ZFYVE26: variants seen among roughly 807,000 people sequenced by gnomAD.
ZFYVE26 encodes the protein zinc finger FYVE-type containing 26.
A neutral mutation model predicts 276.5 loss-of-function variants in ZFYVE26; 181 were observed. The ratio of observed to expected loss-of-function variants is 0.65; its 90% CI spans 0.58 to 0.74. The LOEUF is 0.74. Among genes scored for constraint, ZFYVE26 ranks in the 30% least tolerant of loss-of-function variants. The probability of loss-of-function intolerance (pLI) is 0.00; values close to 1 mark genes in which losing one functional copy is unlikely to be tolerated. For missense variants in ZFYVE26, 2,821 were observed against 3,097.9 expected, an observed-to-expected ratio of 0.91 and a Z score of 2.12; for synonymous variants, 1,129 against 1,203.1, an observed-to-expected ratio of 0.94 and a Z score of 1.27.
intron 16 of ZFYVE26, among the ~76,000 whole-genome samples, chr14:67,788,986 T>C (rs575365163): frequency 5.3e-5 from 8 of 152,212 alleles, no homozygotes; most frequent in Non-Finnish European, 1.0e-4. Context: ...AGTTTTCCCT[T>C]ACACCTGGCT....
At chr14:67,808,443 T>C (rs534917834) in intron 4 of ZFYVE26, among the ~76,000 whole-genome samples, 1 of 152,316 alleles carries the variant, frequency 6.6e-6, no homozygotes, top group South Asian at 2.1e-4. Context: ...TCAATGTACT[T>C]AAAATTAGTA....
intron 13 of ZFYVE26, among the ~76,000 whole-genome samples, chr14:67,737,993 T>C (rs1280185568): frequency 1.3e-5 from 2 of 152,212 alleles, no homozygotes; most frequent in East Asian, 3.8e-4. Context: ...AGTCAAGATA[T>C]TTAACCTGAC....
At chr14:67,785,314 C>T in intron 18 of ZFYVE26, 37 bp from the exon 19 acceptor site, 1 of 1,539,118 alleles carries the variant, frequency 6.5e-7, no homozygotes, top group South Asian at 1.2e-5. Flanking sequence ...ACACAGGCTT[C>T]AGTCTGTGAG....
Position 67,807,657 on chromosome 14 carries a change from C to CG in ZFYVE26, c.626dup (p.Val210GlyfsTer26). 1 of 1,614,152 alleles carries CG rather than the reference C, an allele frequency of 6.2e-7. No homozygotes were observed. Among genetic ancestry groups the CG allele is most frequent in the Non-Finnish European group, 8.5e-7 (1 of 1,180,040 alleles). ...TGGCATCGACTACCCCAGGGGGCAC[C>CG]GAATCAGGGCCCTGCAAAGCCCGCA... On this transcript the variant is annotated frameshift_variant, in exon 5 of 42. Transcript: ENST00000347230. LOFTEE classifies it high-confidence loss of function.
chr14:67,806,781 T>G, intron 5 of ZFYVE26, 106 bp from the exon 6 acceptor site: 2 of 1,375,956 alleles, frequency 1.5e-6, no homozygotes, highest in Non-Finnish European at 2.0e-6. Context: ...TTTTAAAAAC[T>G]TAGGCTGGGT....
Position 67,729,441 on chromosome 14 carries a change from T to C in ZFYVE26, n.3058A>G. On this transcript the variant is annotated non_coding_transcript_exon_variant, in exon 14 of 15. Transcript: ENST00000394455. ...TGTGCATGGGAGGTGCCGGACTCGC[T>C]GGGCTGTTCATCCTGAGAAGCTGAG... The C allele has an allele frequency of 4.6e-6, 7 of 1,524,022 alleles. No individual in the cohort carries two copies. In the South Asian group the frequency reaches 5.6e-5, roughly 12 times the overall value. 94.4% of individuals were successfully genotyped at this position (1,524,022 alleles called of 1,614,324 possible).
In ZFYVE26 at chr14:67,767,716, A is replaced by C. The variant is rs1263896785; in HGVS notation, c.5778T>G (p.Phe1926Leu). The C allele has an allele frequency of 6.2e-7, 1 of 1,614,136 alleles. No individual in the cohort carries two copies. Among genetic ancestry groups the C allele is most frequent in the Admixed American group, 1.7e-5 (1 of 60,020 alleles). The change falls in exon 31 of 42, where the codon TTT becomes TTG. Residue 1926 changes from phenylalanine (F) to leucine (L), a missense_variant. Transcript: ENST00000347230. Reference sequence around the variant, plus strand: ...TTATTGCTATTACCTGCTCATAGTAAAATTCACTCCGCACCAGCTCATTTT... The same window carrying C: ...TTATTGCTATTACCTGCTCATAGTACAATTCACTCCGCACCAGCTCATTTT... ...EEENELVRSE[F>L]YYEQAPSASL...
chr14:67,781,209 A>T, intron 22 of ZFYVE26, 124 bp downstream of exon 22: 1 of 1,149,890 alleles, frequency 8.7e-7, no homozygotes, highest in Non-Finnish European at 1.3e-6. Flanking sequence ...AACTGAAGCC[A>T]GATGCAAAGC....
Position 67,814,046 on chromosome 14 carries a change from G to T in ZFYVE26, c.213C>A (p.Asn71Lys). The T allele has an allele frequency of 1.2e-6, 2 of 1,613,798 alleles. No homozygotes were observed. Among genetic ancestry groups the T allele is most frequent in the Non-Finnish European group, 8.5e-7 (1 of 1,179,772 alleles). The change falls in exon 3 of 42, where the codon AAC (asparagine) becomes AAA (lysine). Residue 71 changes from asparagine to lysine, a missense_variant. By Grantham distance (94) the Asn-to-Lys change is moderately conservative. Coordinates refer to ENST00000347230, the MANE Select transcript of ZFYVE26 (RefSeq NM_015346.4). The stretch of plus-strand genomic sequence containing the variant: ...GCCAGACCCAGGCTACTCTTTGAGG[G>T]TTGATGTCCTGCCCACATCTGAAAA... ...PNLLRCGQDI[N>K]PQRVAWVWLL...
chr14:67,731,207 C>CTTTTT (rs71129853), intron 13 of ZFYVE26, among the ~76,000 whole-genome samples: 11 of 90,616 alleles, frequency 1.2e-4, no homozygotes, highest in African/African-American at 3.9e-4. Flanking sequence ...TTCTTTCTTT[C>CTTTTT]TTTTTTTTTT....
rs375074648 is a variant in ZFYVE26, at chr14:67,802,331, G to T, written c.1436-49C>A. On this transcript the variant is annotated intron_variant, in intron 9 of 41. Transcript: ENST00000347230. ...TGAACTTGAGAGTTAATTAATTCAGGATGCAAGTATGGGTGAAGCAAAGAG... is the reference window on the plus strand; with the variant it reads ...TGAACTTGAGAGTTAATTAATTCAGTATGCAAGTATGGGTGAAGCAAAGAG... 27 of 1,589,350 alleles carry T rather than the reference G, an allele frequency of 1.7e-5. 1 individual carries two copies. In the African/African-American group the frequency reaches 3.2e-4, roughly 19 times the overall value.
chr14:67,804,165 G>A lies in ZFYVE26; in HGVS notation c.1371C>T (p.Leu457=). The A allele has an allele frequency of 6.2e-7, 1 of 1,614,222 alleles. No homozygotes were observed. The highest frequency in any genetic ancestry group is 8.5e-7 in the Non-Finnish European group (1 of 1,180,040). Residue 457 remains leucine (L), a synonymous_variant, in exon 9 of 42, where the codon CTC becomes CTT. Transcript: ENST00000347230. ...AGAGCTTGAGAACATCTTCCTCCCTGAGGGCTGGAAGGTTTGTAAGGTGAT... is the reference window on the plus strand; with the variant it reads ...AGAGCTTGAGAACATCTTCCTCCCTAAGGGCTGGAAGGTTTGTAAGGTGAT... The part of the protein sequence containing the change: ...TLHHLTNLPA[L]REEDVLKLLQ...
chr14:67,789,503 T>A lies in ZFYVE26; in HGVS notation c.2851A>T (p.Thr951Ser). The change falls in exon 16 of 42, where the codon ACG (threonine) becomes TCG (serine). Residue 951 changes from threonine to serine, a missense_variant. By Grantham distance (58) the Thr-to-Ser change is moderately conservative (BLOSUM62 1). Coordinates refer to ENST00000347230, the MANE Select transcript of ZFYVE26 (RefSeq NM_015346.4). ...GGAGCAGTGGGCTCCACTAGAGCCG[T>A]GCTTATCCAAAAGTCCTCCTGGAGC... ...PMLQEDFWIS[T>S]ALVEPTAPLR... 3.1e-6 allele frequency: 5 copies of A among 1,614,170 alleles called. No individual in the cohort carries two copies. The highest frequency in any genetic ancestry group is 4.2e-6 in the Non-Finnish European group (5 of 1,180,036).
At chr14:67,801,662 G>T (rs1424134915) in intron 10 of ZFYVE26, among the ~76,000 whole-genome samples, 2 of 152,132 alleles carry the variant, frequency 1.3e-5, no homozygotes, top group African/African-American at 4.8e-5. Flanking sequence ...CATTTAAAAA[G>T]ATGAAATAGG....
At chr14:67,774,955 G>T in intron 27 of ZFYVE26, 61 bp downstream of exon 27, 2 of 1,159,426 alleles carry the variant, frequency 1.7e-6, no homozygotes, top group Non-Finnish European at 2.5e-6. Context: ...AAATTCTGAA[G>T]GATAGAATAA....
At chr14:67,746,479 G>C (rs2038490897), downstream of ZFYVE26, 1 of 152,184 alleles carries the variant, frequency 6.6e-6, no homozygotes, top group Non-Finnish European at 1.5e-5. Flanking sequence ...AGGATGCAAA[G>C]GGTAGGAGCA....
chr14:67,764,919 C>G (rs2039019186), intron 32 of ZFYVE26, among the ~76,000 whole-genome samples: 3 of 152,162 alleles, frequency 2.0e-5, no homozygotes, highest in African/African-American at 7.2e-5. Context: ...GTTTTCTCCC[C>G]AATCTAAATA....
At chr14:67,750,910 G>T in intron 41 of ZFYVE26, 142 bp downstream of exon 41, 1 of 1,073,118 alleles carries the variant, frequency 9.3e-7, no homozygotes, top group Non-Finnish European at 1.4e-6. Flanking sequence ...CCCTATCCAA[G>T]CCTCAGCTCC....
Position 67,807,459 on chromosome 14 carries a change from A to G in ZFYVE26, c.825T>C (p.Tyr275=), listed in dbSNP as rs2040204823. 5.0e-6 allele frequency: 8 copies of G among 1,614,014 alleles called. No individual in the cohort carries two copies. Among genetic ancestry groups the G allele is most frequent in the Non-Finnish European group, 6.8e-6 (8 of 1,179,990 alleles). The change falls in exon 5 of 42, where the codon TAT becomes TAC. Residue 275 remains tyrosine (Y), a synonymous_variant. Transcript: ENST00000347230. ...TGACCTTCTCTGCATAGGTATGGCC[A>G]TACAGGGACAGCAGGCCCCGGCTGG... is the stretch of plus-strand genomic sequence containing the variant. ...HKASRGLLSL[Y]GHTYAEKVTE...
Sources: gnomAD v4.1 joint callset for allele counts (sites outside exome capture counted in the v4.1 genomes callset) on GRCh38, gnomAD v4.1.1 for gene constraint, MANE v1.5 for transcripts, NCBI Gene and HGNC (gene_info 2026-07-23, HGNC 2026-07-21) for gene names.